Variants in MTMR10 observed in about 807,000 individuals in gnomAD.
The protein encoded by MTMR10 is myotubularin-related protein 10.
In MTMR10, 56 loss-of-function variants were observed where a neutral mutation model predicts 88.1. The ratio of observed to expected loss-of-function variants is 0.64; its 90% CI spans 0.51 to 0.79. The LOEUF (loss-of-function observed/expected upper bound fraction) is 0.79. Among genes scored for constraint, MTMR10 ranks in the 30% least tolerant of loss-of-function variants. The pLI, the probability that MTMR10 is intolerant of heterozygous loss-of-function variation, is 0.00. For synonymous variants in MTMR10, 380 were observed against 340.9 expected (o/e 1.11, Z -1.26); for missense variants, 883 against 924.7 (o/e 0.95, Z 0.58).
At chr15:30,979,692 C>A (rs920381468) in intron 2 of MTMR10, among the ~76,000 whole-genome samples, 1 of 152,194 alleles carries the variant, frequency 6.6e-6, no homozygotes, top group Non-Finnish European at 1.5e-5. Flanking sequence ...GTACCATAAA[C>A]AAACTGTATT....
Position 30,977,066 on chromosome 15 carries a change from T to C in MTMR10, c.122-111A>G. On this transcript the variant is annotated intron_variant, in intron 2 of 15. Transcript: ENST00000435680. ...GGCAAGGATGAGGATAGTGAAAACATTCACCAATTGCCCACCAGGTGCCAG... is the reference window on the plus strand; with the variant it reads ...GGCAAGGATGAGGATAGTGAAAACACTCACCAATTGCCCACCAGGTGCCAG... The C allele has an allele frequency of 8.9e-6, 9 of 1,008,130 alleles. No homozygotes were observed. In the South Asian group the frequency reaches 1.4e-4, roughly 16 times the overall value. The allele number at this position is 1,008,130 out of a possible 1,614,324, so 62.4% of individuals were successfully genotyped here. A position where few individuals can be genotyped will look rare whatever the true frequency, so the allele number is the denominator to read the frequency against.
chr15:30,941,950 C>G lies in MTMR10; in HGVS notation c.1854G>C (p.Gln618His). Residue 618 changes from glutamine (Q) to histidine (H), a missense_variant, in exon 16 of 16, where the codon CAG becomes CAC. Physicochemically the swap from Gln to His is conservative, Grantham distance 24. This residue lies in a region of MTMR10 where 343 missense variants were observed against 323.2 expected (regional missense o/e 1.06). Transcript: ENST00000435680. ...LILKPKPDPA[Q>H]QTDSQNSDTE... is the part of the protein sequence containing the mutation. ...TATCACTGTTCTGGCTGTCGGTTTG[C>G]TGAGCTGGATCTGGCTTTGGTTTTA... The G allele has an allele frequency of 6.2e-6, 10 of 1,614,026 alleles. No individual in the cohort carries two copies. Among genetic ancestry groups the G allele is most frequent in the Non-Finnish European group, 8.5e-6 (10 of 1,179,898 alleles).
At chr15:30,983,480 T>C (rs979603579) in intron 2 of MTMR10, among the ~76,000 whole-genome samples, 16 of 152,160 alleles carry the variant, frequency 1.1e-4, no homozygotes, top group African/African-American at 3.6e-4. Flanking sequence ...CTCAAAACCA[T>C]GTTGTATTAT....
At chr15:30,961,347 C>T (rs1366869461) in intron 6 of MTMR10, among the ~76,000 whole-genome samples, 1 of 152,100 alleles carries the variant, frequency 6.6e-6, no homozygotes, top group Non-Finnish European at 1.5e-5. Flanking sequence ...TATTCTCCTG[C>T]CTCAGCCTCT....
In MTMR10 at chr15:30,940,374, C is replaced by T. The variant is rs1435650547; in HGVS notation, c.*1096G>A. 3.1e-5 allele frequency: 31 copies of T among 985,268 alleles called. No homozygotes were observed. The highest frequency in any genetic ancestry group is 6.1e-5 in the Admixed American group (1 of 16,270). The allele number at this position is 985,268 out of a possible 1,614,324, so 61.0% of individuals were successfully genotyped here. A position where few individuals can be genotyped will look rare whatever the true frequency, so the allele number is the denominator to read the frequency against. ...TTGGGGGCTGGGGGAGCACTTCTGT[C>T]GCTATTCAAATGGCAGTGTTTTGAG... On this transcript the variant is annotated 3_prime_UTR_variant, in exon 16 of 16. Transcript: ENST00000435680.
chr15:30,989,875 G>A (rs2031196333), intron 2 of MTMR10, among the ~76,000 whole-genome samples: 1 of 152,060 alleles, frequency 6.6e-6, no homozygotes, highest in African/African-American at 2.4e-5. Flanking sequence ...ATGAGCCACC[G>A]TGCCCGGCCG....
the MTMR10 span, among the ~76,000 whole-genome samples, chr15:30,926,287 C>T: frequency 6.6e-6 from 1 of 152,222 alleles, no homozygotes; most frequent in Non-Finnish European, 1.5e-5. Flanking sequence ...CCTGCCCCTT[C>T]CCTGGGATTT....
chr15:30,960,773 A>G, intron 7 of MTMR10, 108 bp downstream of exon 7: 1 of 1,265,712 alleles, frequency 7.9e-7, no homozygotes, highest in Non-Finnish European at 1.0e-6. Flanking sequence ...TTAAAAACAA[A>G]TATTCCATTA....
chr15:30,928,576 T>G, the MTMR10 span: 9 of 1,609,082 alleles, frequency 5.6e-6, no homozygotes, highest in Non-Finnish European at 7.6e-6. Context: ...AGGGTCCACC[T>G]TCAGCACCCT....
chr15:30,977,065 A>G (rs2141053655), intron 2 of MTMR10, 110 bp from the exon 3 acceptor site: 1 of 1,007,580 alleles, frequency 9.9e-7, no homozygotes, highest in Non-Finnish European at 1.5e-6. Flanking sequence ...TAGTGAAAAC[A>G]TTCACCAATT....
intron 11 of MTMR10, 104 bp downstream of exon 11, chr15:30,953,458 G>A (rs2063278946): frequency 1.2e-6 from 1 of 819,868 alleles, no homozygotes; most frequent in Middle Eastern, 2.3e-4. Flanking sequence ...GAAGTTGGAT[G>A]AAGAGTAAGT....
At position 30,939,454 on chromosome 15, in the gene MTMR10, G is replaced by A. The variant is rs1469706433; in HGVS notation, c.*2016C>T. ...TAAGCAGCTTCACCCTGGCCCGACT[G>A]AAGGCTGTCATAGTTGTTTTTCATA... On this transcript the variant is annotated 3_prime_UTR_variant, in exon 16 of 16. Transcript: ENST00000435680. 6 of 985,334 alleles carry A rather than the reference G, an allele frequency of 6.1e-6. No homozygotes were observed. Among genetic ancestry groups the A allele is most frequent in the African/African-American group, 1.7e-5 (1 of 57,250 alleles). The allele number at this position is 985,334 out of a possible 1,614,324, so 61.0% of individuals were successfully genotyped here.
chr15:30,921,382 T>A, the MTMR10 span, among the ~76,000 whole-genome samples: 3 of 152,218 alleles, frequency 2.0e-5, no homozygotes, highest in Non-Finnish European at 4.4e-5. Context: ...ATGGATTGTC[T>A]GGAGACAATT....
At position 30,939,911 on chromosome 15, in the gene MTMR10, C is replaced by T. The variant is rs902527568; in HGVS notation, c.*1559G>A. The T allele has an allele frequency of 2.0e-6, 2 of 985,206 alleles. No homozygotes were observed. Among genetic ancestry groups the T allele is most frequent in the Admixed American group, 1.2e-4 (2 of 16,262 alleles). The allele number at this position is 985,206 out of a possible 1,614,324, so 61.0% of individuals were successfully genotyped here. ...CAAGTTGGCAAAAACCTTGGGTTTACCCATAAAGTGAATTTCTTAAGATAT... is the reference window on the plus strand; with the variant it reads ...CAAGTTGGCAAAAACCTTGGGTTTATCCATAAAGTGAATTTCTTAAGATAT... On this transcript the variant is annotated 3_prime_UTR_variant, in exon 16 of 16. Coordinates refer to ENST00000435680, the MANE Select transcript of MTMR10 (RefSeq NM_017762.3).
chr15:30,990,084 GTTCTAAAGCAGTGATTCTCAACTGTGAGA>G lies in MTMR10; in HGVS notation c.121+664_121+692del, dbSNP rs1458103837. Among the ~76,000 whole-genome samples the G allele has an allele frequency of 5.3e-5, 8 of 152,106 alleles. No individual in the cohort carries two copies. In the East Asian group the frequency reaches 1.5e-3, roughly 29 times the overall value. ...TCTAAGGTCACCTATAGCAAATTTTGTTCTAAAGCAGTGATTCTCAACTGTGAGATTTTTGTCCCCCAGAGGTAGGGGAC... is the reference window on the plus strand; with the variant it reads ...TCTAAGGTCACCTATAGCAAATTTTGTTTTTGTCCCCCAGAGGTAGGGGAC... On this transcript the variant is annotated intron_variant, in intron 2 of 15. Coordinates refer to ENST00000435680, the MANE Select transcript of MTMR10 (RefSeq NM_017762.3).
rs75968557 is a variant in MTMR10, at chr15:30,954,285, T to C, written c.1066+478A>G. 2.6e-3 allele frequency among the ~76,000 whole-genome samples: 396 copies of C among 152,322 alleles called. 1 individual carries two copies. The highest frequency in any genetic ancestry group is 9.1e-3 in the African/African-American group (377 of 41,560). ...AGGATCTCTTGAGGAGGACCCACATTACACCAAAGATGCTTTCATGTGACT... is the reference window on the plus strand; with the variant it reads ...AGGATCTCTTGAGGAGGACCCACATCACACCAAAGATGCTTTCATGTGACT... On this transcript the variant is annotated intron_variant, in intron 10 of 15. Coordinates refer to ENST00000435680, the MANE Select transcript of MTMR10 (RefSeq NM_017762.3).
the MTMR10 span, chr15:30,922,099 C>T: frequency 5.4e-6 from 6 of 1,115,820 alleles, no homozygotes; most frequent in East Asian, 4.8e-5. Context: ...CCTGTCAGTT[C>T]GGGGTCCTTG....
chr15:30,941,734 GTCGACT>G lies in MTMR10; in HGVS notation c.2064_2069del (p.Glu688_Val689del). On this transcript the variant is annotated inframe_deletion, in exon 16 of 16. Coordinates refer to ENST00000435680, the MANE Select transcript of MTMR10 (RefSeq NM_017762.3). ...GTTGCCGCAGCATCCTGCTCAGTAC[GTCGACT>G]TCATCAGCCAGGAGGGAGAGCTTGT... 1 of 1,613,966 alleles carries G rather than the reference GTCGACT, an allele frequency of 6.2e-7. No homozygotes were observed. Among genetic ancestry groups the G allele is most frequent in the Non-Finnish European group, 8.5e-7 (1 of 1,179,884 alleles).
chr15:30,987,665 C>G (rs1189629439), intron 2 of MTMR10, among the ~76,000 whole-genome samples: 3 of 150,610 alleles, frequency 2.0e-5, no homozygotes, highest in Non-Finnish European at 3.0e-5. Flanking sequence ...AATACCATAT[C>G]TCTAACAATT....
Sources: allele counts gnomAD v4.1 joint callset (sites outside exome capture counted in the v4.1 genomes callset), GRCh38; gene constraint gnomAD v4.1.1; regional missense constraint gnomAD v4.1.1; transcripts MANE v1.5; gene names NCBI Gene and HGNC (gene_info 2026-07-23, HGNC 2026-07-21).